The following ERBB4 variants were observed in gnomAD, a reference collection of about 807,000 sequenced individuals.
ERBB4 encodes receptor tyrosine-protein kinase erbB-4.
A neutral mutation model predicts 158.0 loss-of-function variants in ERBB4; 42 were observed. The observed-to-expected ratio is 0.27, with a 90% confidence interval of 0.21 to 0.34. ERBB4 has a LOEUF of 0.34. ERBB4 is among the 10% of genes least tolerant of loss of function. The pLI, the probability that ERBB4 is intolerant of heterozygous loss-of-function variation, is 1.00. For synonymous variants in ERBB4, 583 were observed against 558.7 expected (o/e 1.04, Z -0.61); for missense variants, 1,333 against 1,624.1 (o/e 0.82, Z 3.08).
At position 211,888,959 on chromosome 2, in the gene ERBB4, G is replaced by A. The variant is rs985680687; in HGVS notation, c.421+58471C>T. 2.1e-4 allele frequency among the ~76,000 whole-genome samples: 31 copies of A among 150,950 alleles called. 2 individuals are homozygous for A. ...TCTGAGATCAAACTGCAAGGCAGCA[G>A]CGAGGCTGGGGGAGGGGCGCCCGCC... On this transcript the variant is annotated intron_variant, in intron 3 of 27. Coordinates refer to ENST00000342788, the MANE Select transcript of ERBB4 (RefSeq NM_005235.3).
At chr2:212,003,227 A>C (rs1216844678) in intron 2 of ERBB4, among the ~76,000 whole-genome samples, 5 of 119,494 alleles carry the variant, frequency 4.2e-5, no homozygotes, top group Admixed American at 8.4e-5. Context: ...GAAGGAAGGA[A>C]GGAAGGAAGG....
chr2:211,817,620 T>G (rs1390705989), intron 3 of ERBB4, among the ~76,000 whole-genome samples: 1 of 152,198 alleles, frequency 6.6e-6, no homozygotes. Flanking sequence ...AATGGAATTT[T>G]CACTGGGCAT....
chr2:212,470,259 A>C (rs1341157916), intron 1 of ERBB4, among the ~76,000 whole-genome samples: 1 of 152,120 alleles, frequency 6.6e-6, no homozygotes, highest in Non-Finnish European at 1.5e-5. Flanking sequence ...CAACACATCT[A>C]TCTGGAAAAT....
intron 1 of ERBB4, among the ~76,000 whole-genome samples, chr2:212,265,971 G>A (rs1176139897): frequency 1.3e-5 from 2 of 151,822 alleles, no homozygotes; most frequent in African/African-American, 2.4e-5. Flanking sequence ...CTCGCTAATC[G>A]GTCCCCACAG....
At chr2:211,559,732 A>T (rs957356599) in intron 20 of ERBB4, among the ~76,000 whole-genome samples, 6 of 152,200 alleles carry the variant, frequency 3.9e-5, no homozygotes, top group African/African-American at 1.4e-4. Flanking sequence ...GGGTGCACAG[A>T]GAGAACCAGG....
chr2:211,707,151 C>A (rs865804486), intron 9 of ERBB4, among the ~76,000 whole-genome samples: 19 of 152,112 alleles, frequency 1.2e-4, no homozygotes, highest in Non-Finnish European at 2.9e-5. Context: ...CAGTCCGGAC[C>A]TTTACTGAGA....
At chr2:212,309,688 A>G (rs1230005982) in intron 1 of ERBB4, among the ~76,000 whole-genome samples, 2 of 150,670 alleles carry the variant, frequency 1.3e-5, no homozygotes, top group Non-Finnish European at 3.0e-5. Context: ...CATTAGTTAC[A>G]TATGTATTTG....
At chr2:211,913,186 C>T (rs2079583174) in intron 3 of ERBB4, among the ~76,000 whole-genome samples, 1 of 152,058 alleles carries the variant, frequency 6.6e-6, no homozygotes, top group Non-Finnish European at 1.5e-5. Context: ...GGGCTAAGGG[C>T]CTTGGTCCCC....
chr2:211,910,680 A>G (rs1337031370), intron 3 of ERBB4, among the ~76,000 whole-genome samples: 1 of 151,998 alleles, frequency 6.6e-6, no homozygotes, highest in African/African-American at 2.4e-5. Flanking sequence ...CCCATGGGAC[A>G]AGTTTACCTA....
chr2:211,725,564 T>G (rs1422950989), intron 5 of ERBB4, among the ~76,000 whole-genome samples: 1 of 152,126 alleles, frequency 6.6e-6, no homozygotes, highest in Non-Finnish European at 1.5e-5. Context: ...GGGCTACGAC[T>G]GCACTTGTGA....
chr2:211,711,925 G>A, intron 9 of ERBB4, 125 bp downstream of exon 9: 1 of 788,094 alleles, frequency 1.3e-6, no homozygotes, highest in Non-Finnish European at 2.1e-6. Context: ...GCTTTTGTTG[G>A]TGAGGAGCAT....
intron 16 of ERBB4, among the ~76,000 whole-genome samples, chr2:211,639,186 T>C (rs2070477406): frequency 6.6e-6 from 1 of 152,174 alleles, no homozygotes; most frequent in Non-Finnish European, 1.5e-5. Flanking sequence ...TTATTGTTTA[T>C]ATACTGTTAT....
chr2:212,132,285 G>A (rs2080128530), intron 1 of ERBB4, among the ~76,000 whole-genome samples: 1 of 152,170 alleles, frequency 6.6e-6, no homozygotes, highest in African/African-American at 2.4e-5. Flanking sequence ...TTAAGGAGAT[G>A]CATATGGGTG....
At chr2:211,818,456 C>G (rs2105934838) in intron 3 of ERBB4, among the ~76,000 whole-genome samples, 1 of 152,038 alleles carries the variant, frequency 6.6e-6, no homozygotes, top group East Asian at 1.9e-4. Context: ...TTTCGAATTA[C>G]CAGTATGTGC....
chr2:211,775,519 G>A (rs1331893510), intron 4 of ERBB4, among the ~76,000 whole-genome samples: 1 of 152,180 alleles, frequency 6.6e-6, no homozygotes, highest in East Asian at 1.9e-4. Flanking sequence ...GCTAGAGTTA[G>A]CTAAAAGTGA....
intron 4 of ERBB4, among the ~76,000 whole-genome samples, chr2:211,771,935 T>C (rs759065888): frequency 6.6e-6 from 1 of 152,220 alleles, no homozygotes; most frequent in Admixed American, 6.5e-5. Flanking sequence ...TAAAAATTTC[T>C]AGAATTTTGA....
chr2:211,461,232 T>C (rs2064522800), intron 20 of ERBB4, among the ~76,000 whole-genome samples: 1 of 152,160 alleles, frequency 6.6e-6, no homozygotes. Flanking sequence ...AACAAATGAC[T>C]CACTTGGTTC....
intron 2 of ERBB4, among the ~76,000 whole-genome samples, chr2:211,964,628 A>G (rs1319151783): frequency 6.6e-6 from 1 of 152,176 alleles, no homozygotes; most frequent in African/African-American, 2.4e-5. Flanking sequence ...CTAAAATCTG[A>G]TATAATCTCT....
intron 3 of ERBB4, among the ~76,000 whole-genome samples, chr2:211,861,145 T>A (rs1329562977): frequency 1.5e-5 from 1 of 68,750 alleles, no homozygotes; most frequent in Non-Finnish European, 2.8e-5. Context: ...TATATATATA[T>A]ATATATATAT....
Sources: gnomAD v4.1 joint callset for allele counts (sites outside exome capture counted in the v4.1 genomes callset) on GRCh38, gnomAD v4.1.1 for gene constraint, MANE v1.5 for transcripts, NCBI Gene and HGNC (gene_info 2026-07-23, HGNC 2026-07-21) for gene names.